Variants in LCP2 observed in about 807,000 individuals in gnomAD.
LCP2 encodes 76 kDa tyrosine phosphoprotein.
Under a neutral mutation model 74.5 loss-of-function variants are expected in LCP2, and 29 were observed. The ratio of observed to expected loss-of-function variants is 0.39; its 90% CI spans 0.29 to 0.53. The LOEUF (loss-of-function observed/expected upper bound fraction) is 0.53. Ranked by LOEUF, LCP2 falls within the 20% of genes least tolerant of loss-of-function variation. LCP2 has a pLI of 0.72. For missense variants in LCP2, 604 were observed against 634.6 expected, an observed-to-expected ratio of 0.95 and a Z score of 0.52; for synonymous variants, 228 against 229.5, an observed-to-expected ratio of 0.99 and a Z score of 0.06.
intron 20 of LCP2, 105 bp from the exon 21 acceptor site, chr5:170,248,924 G>T: frequency 8.7e-7 from 1 of 1,144,972 alleles, no homozygotes; most frequent in Non-Finnish European, 1.3e-6. Context: ...TTCAAGTGAT[G>T]AGGATTGTGG....
intron 3 of LCP2, among the ~76,000 whole-genome samples, chr5:170,276,880 A>G (rs994181709): frequency 6.6e-6 from 1 of 152,046 alleles, no homozygotes; most frequent in Non-Finnish European, 1.5e-5. Flanking sequence ...GATCGAGACC[A>G]TCCTGGCCAA....
chr5:170,253,690 A>G (rs1761496595), intron 17 of LCP2, among the ~76,000 whole-genome samples: 1 of 152,186 alleles, frequency 6.6e-6, no homozygotes, highest in East Asian at 1.9e-4. Flanking sequence ...AATGTAAGTG[A>G]CCCAAGAGAA....
At chr5:170,274,179 C>G in intron 6 of LCP2, 122 bp downstream of exon 6, 1 of 1,039,146 alleles carries the variant, frequency 9.6e-7, no homozygotes, top group Non-Finnish European at 1.5e-6. Context: ...TTTCTGGGCC[C>G]TGGGTGGGTG....
chr5:170,284,915 G>A (rs958927472), intron 3 of LCP2, among the ~76,000 whole-genome samples: 3 of 151,884 alleles, frequency 2.0e-5, no homozygotes, highest in Non-Finnish European at 2.9e-5. Flanking sequence ...CAAGCCTGGT[G>A]AATTTTTGTA....
At chr5:170,289,060 T>G (rs1185469738) in intron 2 of LCP2, among the ~76,000 whole-genome samples, 2 of 152,170 alleles carry the variant, frequency 1.3e-5, no homozygotes, top group Non-Finnish European at 2.9e-5. Flanking sequence ...GAATTTTGGT[T>G]CATTCACTTA....
At chr5:170,293,462 T>C in intron 1 of LCP2, 90 bp from the exon 2 acceptor site, 2 of 1,289,508 alleles carry the variant, frequency 1.6e-6, no homozygotes, top group African/African-American at 3.0e-5. Flanking sequence ...CTTAGCACTT[T>C]GCGGTACTTG....
intron 19 of LCP2, chr5:170,251,378 G>C (rs1397825402): frequency 4.7e-6 from 1 of 214,836 alleles, no homozygotes. Context: ...TCCTTCATCA[G>C]ACCCTTGAGC....
In LCP2 at chr5:170,267,035, CTGCTGGG is replaced by C; in HGVS notation, c.655_661del (p.Pro219GlufsTer15). 1 of 1,614,002 alleles carries C rather than the reference CTGCTGGG, an allele frequency of 6.2e-7. No homozygotes were observed. ...CTTTGCCGTTTTGTGGTTTCTGCTTCTGCTGGGTTCTTCGTGGTTGGTCTGGGGTGGG... is the reference window on the plus strand; with the variant it reads ...CTTTGCCGTTTTGTGGTTTCTGCTTCTTCTTCGTGGTTGGTCTGGGGTGGG... On this transcript the variant is annotated frameshift_variant, in exon 9 of 21. Transcript: ENST00000046794. LOFTEE classifies it high-confidence loss of function.
At chr5:170,262,883 G>A (rs1466158492) in intron 11 of LCP2, 22 bp from the exon 12 acceptor site, 4 of 1,613,930 alleles carry the variant, frequency 2.5e-6, no homozygotes, top group African/African-American at 1.3e-5. Flanking sequence ...GAGGAAAAAT[G>A]TATGAGTGTC....
intron 3 of LCP2, among the ~76,000 whole-genome samples, chr5:170,277,747 A>AG (rs1762030835): frequency 1.1e-5 from 1 of 95,062 alleles, no homozygotes; most frequent in South Asian, 2.8e-4. Flanking sequence ...TCGTCTCAAA[A>AG]AAAAAAAAAA....
chr5:170,270,066 AT>A (rs146483076), intron 7 of LCP2, among the ~76,000 whole-genome samples: 1,647 of 152,236 alleles, frequency 0.011, 31 homozygotes, highest in African/African-American at 0.037. Flanking sequence ...ATATTTGTTT[AT>A]TTTCTGTCAA....
chr5:170,263,104 G>A (rs951762104), intron 10 of LCP2, 112 bp from the exon 11 acceptor site: 31 of 1,256,720 alleles, frequency 2.5e-5, no homozygotes, highest in Admixed American at 4.6e-5. Flanking sequence ...GGTTGATGGG[G>A]TTTAAGCATT....
chr5:170,275,719 A>T, intron 4 of LCP2, 76 bp downstream of exon 4: 1 of 1,258,008 alleles, frequency 7.9e-7, no homozygotes, highest in African/African-American at 1.5e-5. Context: ...TAGGGCAAAA[A>T]CAGTTCTGTG....
At chr5:170,273,002 G>A (rs1438434270) in intron 6 of LCP2, among the ~76,000 whole-genome samples, 4 of 149,486 alleles carry the variant, frequency 2.7e-5, no homozygotes, top group African/African-American at 7.5e-5. Context: ...GTTTGGTGCT[G>A]CCTGATTCAT....
Position 170,281,439 on chromosome 5 carries a change from T to C in LCP2, c.189-5579A>G, listed in dbSNP as rs572230511. On this transcript the variant is annotated intron_variant, in intron 3 of 20. Coordinates refer to ENST00000046794, the MANE Select transcript of LCP2 (RefSeq NM_005565.5). The stretch of plus-strand genomic sequence containing the variant: ...GGACTACAGGTGCCTGCCACCACAC[T>C]CGGCTAATTGTTTTGTATTTTTAGT... Among the ~76,000 whole-genome samples the C allele has an allele frequency of 2.1e-3, 318 of 152,150 alleles. 4 individuals are homozygous for C. Among genetic ancestry groups the C allele is most frequent in the African/African-American group, 6.5e-3 (271 of 41,522 alleles).
At chr5:170,286,103 T>A (rs1762178547) in intron 3 of LCP2, among the ~76,000 whole-genome samples, 1 of 152,220 alleles carries the variant, frequency 6.6e-6, no homozygotes, top group East Asian at 1.9e-4. Context: ...GTAAATCTGA[T>A]CCCTATTACT....
At position 170,270,706 on chromosome 5, in the gene LCP2, A is replaced by C. The variant is rs1389497508; in HGVS notation, c.523+13T>G. 5.1e-6 allele frequency: 8 copies of C among 1,555,004 alleles called. No homozygotes were observed. The highest frequency in any genetic ancestry group is 6.9e-6 in the Non-Finnish European group (8 of 1,154,296). ...GGCTGCTCGGGCCAGAAAATCCGGA[A>C]ACGGGCCCTTACCGATGTACATGGA... On this transcript the variant is annotated intron_variant, in intron 7 of 20. Transcript: ENST00000046794.
chr5:170,283,573 T>C (rs767898744), intron 3 of LCP2, among the ~76,000 whole-genome samples: 25 of 152,104 alleles, frequency 1.6e-4, no homozygotes, highest in Admixed American at 5.2e-4. Flanking sequence ...GTCCTCCAAA[T>C]CATCACTTAC....
At chr5:170,276,010 T>C (rs1318855103) in intron 3 of LCP2, 150 bp from the exon 4 acceptor site, 3 of 650,226 alleles carry the variant, frequency 4.6e-6, no homozygotes, top group Non-Finnish European at 8.2e-6. Context: ...AGGGACCCTC[T>C]GCTCTTCACT....
Sources: allele counts gnomAD v4.1 joint callset (sites outside exome capture counted in the v4.1 genomes callset), GRCh38; gene constraint gnomAD v4.1.1; transcripts MANE v1.5; gene names NCBI Gene and HGNC (gene_info 2026-07-23, HGNC 2026-07-21).